HAVCR1: variants seen among roughly 807,000 people sequenced by gnomAD.
The protein encoded by HAVCR1 is hepatitis A virus cellular receptor 1, also known as T cell immunoglobin domain and mucin domain protein 1.
In HAVCR1, 34 loss-of-function variants were observed where a neutral mutation model predicts 32.0. That is an observed-to-expected ratio of 1.06 (90% CI 0.81 to 1.42). The LOEUF is 1.42. Ranked by LOEUF, HAVCR1 falls within the 40% of genes most tolerant of loss-of-function variation. HAVCR1 has a pLI of 0.00. For missense variants in HAVCR1, 420 were observed against 442.3 expected, an observed-to-expected ratio of 0.95 and a Z score of 0.45; for synonymous variants, 178 against 170.3, an observed-to-expected ratio of 1.05 and a Z score of -0.35.
At chr5:157,067,663 T>TTCTCTCTC in the HAVCR1 span, among the ~76,000 whole-genome samples, 5 of 150,606 alleles carry the variant, frequency 3.3e-5, no homozygotes, top group East Asian at 4.0e-4. Context: ...ACCAGACCCT[T>TTCTCTCTC]TCTCTCTCTC....
At chr5:157,037,623 C>T (rs1754615299) in intron 6 of HAVCR1, among the ~76,000 whole-genome samples, 1 of 152,034 alleles carries the variant, frequency 6.6e-6, no homozygotes, top group Non-Finnish European at 1.5e-5. Context: ...ACACATTTGT[C>T]AAAACTAAAA....
intron 7 of HAVCR1, among the ~76,000 whole-genome samples, chr5:157,034,921 A>T (rs1202383843): frequency 6.6e-6 from 1 of 152,122 alleles, no homozygotes; most frequent in Non-Finnish European, 1.5e-5. Flanking sequence ...AACAAACTGG[A>T]GTTCCTTATG....
chr5:157,059,547 C>T (rs1357451125), upstream of HAVCR1, among the ~76,000 whole-genome samples: 1 of 151,956 alleles, frequency 6.6e-6, no homozygotes, highest in African/African-American at 2.4e-5. Flanking sequence ...TGGTGGCGGG[C>T]GCCTGTAATC....
intron 5 of HAVCR1, among the ~76,000 whole-genome samples, chr5:157,044,456 AAAGAAAGAAAGAAAGGAAGG>A (rs1439244141): frequency 7.4e-5 from 5 of 67,228 alleles, no homozygotes; most frequent in African/African-American, 3.9e-4. Context: ...AGAAAGAAAG[AAAGAAAGAAAGAAAGGAAGG>A]AAGGAAGGAA....
At chr5:157,056,385 C>CTT (rs5741954) in intron 2 of HAVCR1, among the ~76,000 whole-genome samples, 39 of 141,306 alleles carry the variant, frequency 2.8e-4, no homozygotes, top group Middle Eastern at 3.8e-3. Flanking sequence ...AGAATTTCTT[C>CTT]TTTTTTTTTT....
chr5:157,042,761 T>A, intron 5 of HAVCR1, 79 bp from the exon 6 acceptor site: 1 of 850,842 alleles, frequency 1.2e-6, no homozygotes, highest in Non-Finnish European at 2.0e-6. Context: ...ATATTCACAT[T>A]ACCTTCTGGC....
chr5:157,065,301 C>T, the HAVCR1 span, among the ~76,000 whole-genome samples: 1 of 84,854 alleles, frequency 1.2e-5, no homozygotes, highest in Non-Finnish European at 2.6e-5. Flanking sequence ...AGCGAGACTC[C>T]GCCTCAAAAA....
chr5:157,033,846 G>T (rs1347124826), intron 7 of HAVCR1, among the ~76,000 whole-genome samples: 2 of 152,168 alleles, frequency 1.3e-5, no homozygotes, highest in Non-Finnish European at 2.9e-5. Context: ...GCGGTCAGGA[G>T]TTCAAGACCA....
intron 4 of HAVCR1, among the ~76,000 whole-genome samples, chr5:157,049,678 A>G (rs887434194): frequency 6.6e-6 from 1 of 152,222 alleles, no homozygotes; most frequent in Non-Finnish European, 1.5e-5. Flanking sequence ...CAGAGAATAG[A>G]TACAATATTA....
chr5:157,042,333 T>C (rs1754953369), intron 6 of HAVCR1, among the ~76,000 whole-genome samples: 1 of 151,372 alleles, frequency 6.6e-6, no homozygotes, highest in Non-Finnish European at 1.5e-5. Context: ...TCCCAGCTAT[T>C]CGGGAGGCTG....
In HAVCR1 at chr5:157,048,006, C is replaced by A. The variant is rs1315454540; in HGVS notation, c.781+1032G>T. Among the ~76,000 whole-genome samples the A allele has an allele frequency of 1.3e-5, 2 of 152,132 alleles. 1 individual carries two copies. Among genetic ancestry groups the A allele is most frequent in the South Asian group, 4.1e-4 (2 of 4,826 alleles). ...GTATGGGGAAAAAACTCCACACATT[C>A]GGTCACAGAAGTCTTCATCTGAGTT... On this transcript the variant is annotated intron_variant, in intron 5 of 8. Coordinates refer to ENST00000523175, the MANE Select transcript of HAVCR1 (RefSeq NM_001173393.3).
chr5:157,051,769 T>A (rs7726556), intron 4 of HAVCR1, among the ~76,000 whole-genome samples: 39,082 of 152,156 alleles, frequency 0.26, 5,403 homozygotes, highest in Middle Eastern at 0.36. Flanking sequence ...CCACCGCACC[T>A]GGCTTCTATC....
At position 157,029,528 on chromosome 5, in the gene HAVCR1, A is replaced by C; in HGVS notation, c.*205T>G. 7.6e-7 allele frequency: 1 copy of C among 1,312,114 alleles called. No individual in the cohort carries two copies. The highest frequency in any genetic ancestry group is 1.1e-6 in the Non-Finnish European group (1 of 946,876). The allele number at this position is 1,312,114 out of a possible 1,614,324, so 81.3% of individuals were successfully genotyped here. On this transcript the variant is annotated 3_prime_UTR_variant, in exon 9 of 9. Transcript: ENST00000523175. ...AGGATTGAGCCAGTTTTAGCATAAAAAATTAGGACTACATTAATGATGAGG... is the reference window on the plus strand; with the variant it reads ...AGGATTGAGCCAGTTTTAGCATAAACAATTAGGACTACATTAATGATGAGG...
chr5:157,061,575 C>T (rs551034114), upstream of HAVCR1, among the ~76,000 whole-genome samples: 9 of 152,038 alleles, frequency 5.9e-5, no homozygotes, highest in African/African-American at 1.2e-4. Flanking sequence ...GGCGTGGTGG[C>T]GGGTGCCTGT....
chr5:157,063,576 T>G (rs6866690), upstream of HAVCR1, among the ~76,000 whole-genome samples: 95,033 of 151,952 alleles, frequency 0.63, 29,932 homozygotes, highest in East Asian at 0.85. Context: ...TGAGCACCAC[T>G]CCTGGCCTCA....
chr5:157,032,678 G>A (rs7732478), intron 8 of HAVCR1, among the ~76,000 whole-genome samples, 176 bp downstream of exon 8: 3,160 of 152,274 alleles, frequency 0.021, 92 homozygotes, highest in African/African-American at 0.072. Flanking sequence ...CAACTCCAGG[G>A]AAATACACAA....
chr5:157,066,812 C>A, the HAVCR1 span, among the ~76,000 whole-genome samples: 5 of 152,126 alleles, frequency 3.3e-5, no homozygotes, highest in African/African-American at 1.2e-4. Context: ...AAGGGCCGGG[C>A]ACGGTGGCTC....
intron 4 of HAVCR1, among the ~76,000 whole-genome samples, chr5:157,052,154 G>A (rs1033571633): frequency 9.2e-5 from 14 of 152,162 alleles, no homozygotes; most frequent in African/African-American, 3.4e-4. Context: ...AAAAAGCAAT[G>A]GGTCCCCTCA....
intron 3 of HAVCR1, among the ~76,000 whole-genome samples, chr5:157,052,893 A>T (rs1191430041): frequency 6.6e-6 from 1 of 152,182 alleles, no homozygotes; most frequent in Non-Finnish European, 1.5e-5. Context: ...TTCAGCAAAT[A>T]AGAACAGACG....
Sources: allele counts gnomAD v4.1 joint callset (sites outside exome capture counted in the v4.1 genomes callset), GRCh38; gene constraint gnomAD v4.1.1; transcripts MANE v1.5; gene names NCBI Gene and HGNC (gene_info 2026-07-23, HGNC 2026-07-21).